The following DDX60 variants were observed in gnomAD, a reference collection of about 807,000 sequenced individuals.
The protein encoded by DDX60 is probable ATP-dependent RNA helicase DDX60.
A neutral mutation model predicts 212.8 loss-of-function variants in DDX60; 165 were observed. The ratio of observed to expected loss-of-function variants is 0.78; its 90% CI spans 0.68 to 0.88. The LOEUF is 0.88. Ranked by LOEUF, DDX60 falls within the 40% of genes least tolerant of loss-of-function variation. DDX60 has a pLI of 0.00. For missense variants in DDX60, 1,905 were observed against 2,003.9 expected, an observed-to-expected ratio of 0.95 and a Z score of 0.94; for synonymous variants, 703 against 685.3, an observed-to-expected ratio of 1.03 and a Z score of -0.40.
chr4:168,306,907 G>T (rs1736909521), intron 4 of DDX60, among the ~76,000 whole-genome samples, 187 bp from the exon 5 acceptor site: 1 of 152,138 alleles, frequency 6.6e-6, no homozygotes, highest in African/African-American at 2.4e-5. Context: ...TCACAGTTTG[G>T]ATTTAAATGC....
intron 1 of DDX60, among the ~76,000 whole-genome samples, chr4:168,318,271 T>C (rs116025964): frequency 0.04 from 6,150 of 152,334 alleles, 261 homozygotes; most frequent in Admixed American, 0.097. Flanking sequence ...GTACAGGTTT[T>C]ACTGGCTGTG....
chr4:168,265,859 AGGG>A, intron 22 of DDX60, among the ~76,000 whole-genome samples: 1 of 134,286 alleles, frequency 7.4e-6, no homozygotes, highest in East Asian at 2.4e-4. Context: ...AGGGAAGGGA[AGGG>A]AAGGGAAGGG....
In DDX60 at chr4:168,252,673, A is replaced by T; in HGVS notation, c.3558-17T>A. 1.3e-6 allele frequency: 2 copies of T among 1,558,010 alleles called. No homozygotes were observed. The highest frequency in any genetic ancestry group is 1.7e-6 in the Non-Finnish European group (2 of 1,148,144). On this transcript the variant is annotated splice_polypyrimidine_tract_variant and intron_variant, in intron 26 of 37. Transcript: ENST00000393743. ...TTTTCATCTCTGTTCATAAAAATAA[A>T]ATTTTAATTAATGAAATTGTAAATA...
chr4:168,319,694 T>C (rs1737554696), upstream of DDX60, among the ~76,000 whole-genome samples: 2 of 152,212 alleles, frequency 1.3e-5, no homozygotes, highest in Non-Finnish European at 2.9e-5. Flanking sequence ...CTTGATTTCA[T>C]TAATGCTATA....
intron 22 of DDX60, among the ~76,000 whole-genome samples, chr4:168,266,982 T>C (rs1449471685): frequency 6.6e-6 from 1 of 152,196 alleles, no homozygotes; most frequent in African/African-American, 2.4e-5. Flanking sequence ...TATTGACTAA[T>C]CATCACTTTG....
rs369458593 is a variant in DDX60 at position 168,238,420 on chromosome 4, G to A, written c.4165-625C>T. On this transcript the variant is annotated intron_variant, in intron 30 of 37. Transcript: ENST00000393743. ...AAAGGGAGGGGAGGGGAGGAGAGGG[G>A]AGGGAAGGGAAGGGAAGGGAAGGGA... Among the ~76,000 whole-genome samples the A allele has an allele frequency of 6.4e-4, 38 of 59,834 alleles. 1 individual carries two copies. Among genetic ancestry groups the A allele is most frequent in the African/African-American group, 2.5e-3 (37 of 14,990 alleles). 39.3% of individuals were successfully genotyped at this position (59,834 alleles called of 152,430 possible).
intron 14 of DDX60, among the ~76,000 whole-genome samples, chr4:168,276,562 C>T (rs1303772325): frequency 6.6e-6 from 1 of 152,170 alleles, no homozygotes; most frequent in Non-Finnish European, 1.5e-5. Context: ...ACCTTAGCAA[C>T]ATTTATTGAG....
In DDX60 at chr4:168,251,117, C is replaced by G; in HGVS notation, c.3706-11G>C. Reference sequence around the variant, plus strand: ...TACCTTCTGCAAAGTCTAAAAGAAGCAAGACATTTAGGGATTATGATTTAA... The same window carrying G: ...TACCTTCTGCAAAGTCTAAAAGAAGGAAGACATTTAGGGATTATGATTTAA... On this transcript the variant is annotated splice_polypyrimidine_tract_variant and intron_variant, in intron 27 of 37. Coordinates refer to ENST00000393743, the MANE Select transcript of DDX60 (RefSeq NM_017631.6). 6.2e-7 allele frequency: 1 copy of G among 1,602,260 alleles called. No individual in the cohort carries two copies. Among genetic ancestry groups the G allele is most frequent in the Non-Finnish European group, 8.5e-7 (1 of 1,176,074 alleles).
At chr4:168,263,333 T>G (rs952102207) in intron 22 of DDX60, among the ~76,000 whole-genome samples, 3 of 152,204 alleles carry the variant, frequency 2.0e-5, no homozygotes, top group African/African-American at 7.2e-5. Flanking sequence ...TTCTTAATAA[T>G]GTATGCCATT....
intron 6 of DDX60, among the ~76,000 whole-genome samples, chr4:168,294,435 C>A (rs1306501794): frequency 2.0e-5 from 3 of 152,110 alleles, no homozygotes; most frequent in African/African-American, 7.2e-5. Flanking sequence ...TAAACATCTT[C>A]TGCACAGCAA....
intron 8 of DDX60, among the ~76,000 whole-genome samples, chr4:168,289,056 G>T (rs1735979141): frequency 6.6e-6 from 1 of 152,202 alleles, no homozygotes; most frequent in South Asian, 2.1e-4. Flanking sequence ...ACAGAGTGAA[G>T]TCAGATCTCA....
At chr4:168,237,214 G>C in intron 32 of DDX60, 72 bp downstream of exon 32, 1 of 1,077,562 alleles carries the variant, frequency 9.3e-7, no homozygotes, top group East Asian at 3.1e-5. Flanking sequence ...TTCCTGAAGT[G>C]TTGTTTTTCT....
chr4:168,235,791 CTG>C (rs1179681573), intron 33 of DDX60, among the ~76,000 whole-genome samples: 1 of 151,930 alleles, frequency 6.6e-6, no homozygotes, highest in Non-Finnish European at 1.5e-5. Context: ...ATTTTGGTCT[CTG>C]TGAGTCAAGT....
intron 6 of DDX60, among the ~76,000 whole-genome samples, chr4:168,299,209 C>T (rs1736544666): frequency 7.3e-6 from 1 of 136,316 alleles, no homozygotes; most frequent in Non-Finnish European, 1.6e-5. Flanking sequence ...TAATCTGGAA[C>T]TTAAAAACAT....
At position 168,293,202 on chromosome 4, in the gene DDX60, T is replaced by C. The variant is rs117561392; in HGVS notation, c.882+585A>G. Among the ~76,000 whole-genome samples, 49 of 152,302 alleles carry C rather than the reference T, an allele frequency of 3.2e-4. No individual in the cohort carries two copies. In the East Asian group the frequency reaches 8.7e-3, roughly 27 times the overall value. On this transcript the variant is annotated intron_variant, in intron 7 of 37. Transcript: ENST00000393743. ...AACAGACTGGCCAACAGATTCTTAA[T>C]GGACCCTACTGGCCATAAAGAAAGT...
intron 30 of DDX60, among the ~76,000 whole-genome samples, chr4:168,242,390 C>T (rs917904361): frequency 6.6e-6 from 1 of 152,220 alleles, no homozygotes; most frequent in Non-Finnish European, 1.5e-5. Context: ...CACTCAATGC[C>T]AGCCTATGAA....
intron 33 of DDX60, among the ~76,000 whole-genome samples, chr4:168,227,917 C>T (rs181389215): frequency 6.6e-6 from 1 of 152,186 alleles, no homozygotes; most frequent in Non-Finnish European, 1.5e-5. Context: ...AATCATCTTA[C>T]TTTCAAGCTT....
In DDX60 at chr4:168,293,804, C is replaced by T. The variant is rs182780929; in HGVS notation, c.865G>A (p.Glu289Lys). The change falls in exon 7 of 38, where the codon GAA becomes AAA. Residue 289 changes from glutamate to lysine, a missense_variant. Physicochemically the swap from Glu to Lys is moderately conservative, Grantham distance 56. Coordinates refer to ENST00000393743, the MANE Select transcript of DDX60 (RefSeq NM_017631.6). ...AACCACACCTGTTGGATCTCAGTTT[C>T]CTGACCAGAGGAGGGCTCTCTGTTT... Reference protein sequence around the residue: ...LGNREPSSGQETEIQQVNSNC... With the variant: ...LGNREPSSGQKTEIQQVNSNC... The T allele has an allele frequency of 6.2e-7, 1 of 1,611,096 alleles. No homozygotes were observed. Among genetic ancestry groups the T allele is most frequent in the Admixed American group, 1.7e-5 (1 of 59,230 alleles).
chr4:168,279,678 TAG>T, intron 14 of DDX60, among the ~76,000 whole-genome samples: 1 of 152,272 alleles, frequency 6.6e-6, no homozygotes, highest in East Asian at 1.9e-4. Context: ...GACTGATTGA[TAG>T]AGAGAGATTT....
Sources: allele counts gnomAD v4.1 joint callset (sites outside exome capture counted in the v4.1 genomes callset), GRCh38; gene constraint gnomAD v4.1.1; transcripts MANE v1.5; gene names NCBI Gene and HGNC (gene_info 2026-07-23, HGNC 2026-07-21).